The following TMEM219 variants were observed in gnomAD, a reference collection of about 807,000 sequenced individuals.
TMEM219 encodes the protein transmembrane protein 219, also known as insulin-like growth factor-binding protein 3 receptor.
TMEM219 carries 18 observed loss-of-function variants against 17.9 expected under a neutral mutation model. That is an observed-to-expected ratio of 1.01 (90% CI 0.70 to 1.49). The LOEUF (loss-of-function observed/expected upper bound fraction) is 1.49. TMEM219 is among the 40% of genes most tolerant of loss of function. TMEM219 has a pLI of 0.00. For synonymous variants in TMEM219, 113 were observed against 124.0 expected (o/e 0.91, Z 0.59); for missense variants, 288 against 292.4 (o/e 0.99, Z 0.11).
intron 1 of TMEM219, among the ~76,000 whole-genome samples, chr16:29,962,432 A>AGC (rs2150858504): frequency 6.6e-6 from 1 of 152,128 alleles, no homozygotes; most frequent in East Asian, 1.9e-4. Context: ...CGTGGGAAGG[A>AGC]GCACCCCACT....
At chr16:29,971,296 C>A in intron 4 of TMEM219, 112 bp from the exon 5 acceptor site, 1 of 1,193,876 alleles carries the variant, frequency 8.4e-7, no homozygotes, top group Non-Finnish European at 1.2e-6. Flanking sequence ...TAACATTTTC[C>A]CTTCAGTTGC....
In TMEM219 at chr16:29,968,041, A is replaced by T; in HGVS notation, c.372A>T (p.Gln124His). The change falls in exon 4 of 6, where the codon CAA becomes CAT. Residue 124 changes from glutamine (Q) to histidine (H), a missense_variant. By Grantham distance (24) the Gln-to-His change is conservative. Coordinates refer to ENST00000279396, the MANE Select transcript of TMEM219 (RefSeq NM_001083613.2). ...QMGLKGSSAG[Q>H]LVLITARVTT... Reference sequence around the variant, plus strand: ...CTTTCACAGGATCTTCTGCAGGACAACTGGTCCTTATCACAGCCAGGGTGA... The same window carrying T: ...CTTTCACAGGATCTTCTGCAGGACATCTGGTCCTTATCACAGCCAGGGTGA... 1 of 1,613,990 alleles carries T rather than the reference A, an allele frequency of 6.2e-7. No individual in the cohort carries two copies. Among genetic ancestry groups the T allele is most frequent in the Non-Finnish European group, 8.5e-7 (1 of 1,179,904 alleles).
In TMEM219 at chr16:29,963,595, A is replaced by C; in HGVS notation, c.355+6A>C. On this transcript the variant is annotated splice_donor_region_variant and intron_variant, in intron 3 of 5. Coordinates refer to ENST00000279396, the MANE Select transcript of TMEM219 (RefSeq NM_001083613.2). ...AAGTCAGATGGGATTGAAAGGTGAG[A>C]TCAGAGGCTGGGTGTGGTGGCTCAC... 6.2e-7 allele frequency: 1 copy of C among 1,612,238 alleles called. No individual in the cohort carries two copies. The highest frequency in any genetic ancestry group is 1.1e-5 in the South Asian group (1 of 91,014).
In TMEM219 at chr16:29,965,853, C is replaced by G. The variant is rs569697220; in HGVS notation, c.356-2172C>G. ...CCAGTTTCAGGAGATTCTCCTGCCT[C>G]AGTCTCCCAAGTAGCTGGGATTACA... On this transcript the variant is annotated intron_variant, in intron 3 of 5. Transcript: ENST00000279396. Among the ~76,000 whole-genome samples the G allele has an allele frequency of 2.6e-5, 4 of 152,354 alleles. No homozygotes were observed. In the East Asian group the frequency reaches 7.7e-4, roughly 29 times the overall value.
At chr16:29,966,033 C>T (rs913745651) in intron 3 of TMEM219, among the ~76,000 whole-genome samples, 1 of 152,102 alleles carries the variant, frequency 6.6e-6, no homozygotes, top group Non-Finnish European at 1.5e-5. Context: ...CTGCGCCTGG[C>T]CAATTTTTGT....
At chr16:29,963,656 GTGGATCAT>G in intron 3 of TMEM219, 67 bp downstream of exon 3, 2 of 1,468,444 alleles carry the variant, frequency 1.4e-6, no homozygotes, top group South Asian at 2.5e-5. Flanking sequence ...GCTAAGGTAG[GTGGATCAT>G]TTGAGGTCAG....
chr16:29,971,747 C>A, intron 5 of TMEM219, 169 bp downstream of exon 5: 1 of 497,338 alleles, frequency 2.0e-6, no homozygotes. Context: ...AATTTGACAC[C>A]GTCAGCATTC....
chr16:29,966,966 A>T (rs1317529003), intron 3 of TMEM219, among the ~76,000 whole-genome samples: 1 of 151,944 alleles, frequency 6.6e-6, no homozygotes, highest in African/African-American at 2.4e-5. Flanking sequence ...CTACATGGAA[A>T]TTTTCCCAAG....
intron 4 of TMEM219, among the ~76,000 whole-genome samples, chr16:29,968,877 G>C (rs1255661079): frequency 6.6e-6 from 1 of 152,200 alleles, no homozygotes; most frequent in Non-Finnish European, 1.5e-5. Context: ...GAGAAAGGGA[G>C]TGAATTGCTG....
chr16:29,962,667 C>G (rs1461333609), intron 1 of TMEM219: 1 of 161,070 alleles, frequency 6.2e-6, no homozygotes, highest in Non-Finnish European at 1.4e-5. Flanking sequence ...GTTCTCAGAA[C>G]TCCCATTTCA....
At chr16:29,964,669 C>G (rs1461249438) in intron 3 of TMEM219, among the ~76,000 whole-genome samples, 3 of 151,872 alleles carry the variant, frequency 2.0e-5, no homozygotes, top group Admixed American at 6.6e-5. Flanking sequence ...CCCGCGCCCC[C>G]CCCACCACCC....
At chr16:29,967,893 C>T in intron 3 of TMEM219, 132 bp from the exon 4 acceptor site, 1 of 688,294 alleles carries the variant, frequency 1.5e-6, no homozygotes, top group Non-Finnish European at 2.4e-6. Context: ...CGCCACTGCA[C>T]TCCAGCCTGG....
rs561501012 is a variant in TMEM219, at chr16:29,965,731, C to T, written c.355+2142C>T. 3.3e-5 allele frequency among the ~76,000 whole-genome samples: 5 copies of T among 152,080 alleles called. No individual in the cohort carries two copies. The South Asian group carries it at 8.3e-4, about 25-fold the overall frequency. On this transcript the variant is annotated intron_variant, in intron 3 of 5. Coordinates refer to ENST00000279396, the MANE Select transcript of TMEM219 (RefSeq NM_001083613.2). ...CTGGGATTACAGGTGCTCGCCATCACGCTCACCTAATTCCCGCCCCCCAGC... is the reference window on the plus strand; with the variant it reads ...CTGGGATTACAGGTGCTCGCCATCATGCTCACCTAATTCCCGCCCCCCAGC...
chr16:29,971,502 T>C lies in TMEM219; in HGVS notation c.680T>C (p.Phe227Ser). The change falls in exon 5 of 6, where the codon TTC becomes TCC. Residue 227 changes from phenylalanine (F) to serine (S), a missense_variant. Transcript: ENST00000279396. ...GLLCCVTAMC[F>S]HPRRESHWSR... is the part of the protein sequence containing the mutation. ...CTCTGCTGTGTCACTGCTATGTGCT[T>C]CCACCCGCGCCGGGAGTCCCACTGG... 1 of 1,613,746 alleles carries C rather than the reference T, an allele frequency of 6.2e-7. No individual in the cohort carries two copies. The highest frequency in any genetic ancestry group is 8.5e-7 in the Non-Finnish European group (1 of 1,179,968).
chr16:29,966,153 G>A (rs1191273475), intron 3 of TMEM219, among the ~76,000 whole-genome samples: 1 of 152,188 alleles, frequency 6.6e-6, no homozygotes, highest in Non-Finnish European at 1.5e-5. Flanking sequence ...ACAGGCATGA[G>A]CTACCGGGTC....
At chr16:29,969,411 G>A (rs1351713760) in intron 4 of TMEM219, among the ~76,000 whole-genome samples, 2 of 151,888 alleles carry the variant, frequency 1.3e-5, no homozygotes, top group African/African-American at 2.4e-5. Context: ...TAGCCAGGAT[G>A]ATCTCAATCT....
chr16:29,971,397 C>T lies in TMEM219; in HGVS notation c.586-11C>T. 6.2e-7 allele frequency: 1 copy of T among 1,613,974 alleles called. No individual in the cohort carries two copies. Among genetic ancestry groups the T allele is most frequent in the East Asian group, 2.2e-5 (1 of 44,882 alleles). ...ATGTCCTCCTCCTCCTCTCCCTGTACCCCTCCCTAGGAGGAGCTGGCTCTG... is the reference window on the plus strand; with the variant it reads ...ATGTCCTCCTCCTCCTCTCCCTGTATCCCTCCCTAGGAGGAGCTGGCTCTG... On this transcript the variant is annotated splice_polypyrimidine_tract_variant and intron_variant, in intron 4 of 5. Transcript: ENST00000279396.
At chr16:29,968,786 G>T (rs1031229797) in intron 4 of TMEM219, among the ~76,000 whole-genome samples, 2 of 152,182 alleles carry the variant, frequency 1.3e-5, no homozygotes, top group East Asian at 3.8e-4. Context: ...TGCTCTCAGG[G>T]TTCATTAATT....
At chr16:29,967,660 G>A (rs144151719) in intron 3 of TMEM219, among the ~76,000 whole-genome samples, 6,178 of 152,262 alleles carry the variant, frequency 0.041, 255 homozygotes, top group Admixed American at 0.12. Context: ...GGGCACGGTG[G>A]CTCACGCCTG....
Sources: gnomAD v4.1 joint callset for allele counts (sites outside exome capture counted in the v4.1 genomes callset) on GRCh38, gnomAD v4.1.1 for gene constraint, MANE v1.5 for transcripts, NCBI Gene and HGNC (gene_info 2026-07-23, HGNC 2026-07-21) for gene names.